Variants in TOX4 observed in about 807,000 individuals in gnomAD.
The protein encoded by TOX4 is epidermal Langerhans cell protein LCP1.
Under a neutral mutation model 61.0 loss-of-function variants are expected in TOX4, and 12 were observed. The observed-to-expected ratio is 0.20, with a 90% confidence interval of 0.13 to 0.32. The LOEUF is 0.32. Among genes scored for constraint, TOX4 ranks in the 10% least tolerant of loss-of-function variants. The probability of loss-of-function intolerance (pLI) is 1.00; values close to 1 mark genes in which losing one functional copy is unlikely to be tolerated. For missense variants in TOX4, 499 were observed against 753.3 expected, an observed-to-expected ratio of 0.66 and a Z score of 3.95; for synonymous variants, 268 against 274.8, an observed-to-expected ratio of 0.98 and a Z score of 0.24.
In TOX4 at chr14:21,498,116, A is replaced by G. The variant is rs1236489469; in HGVS notation, c.*1510A>G. ...ACAAGATTATACACTGTTAAGTAGC[A>G]GAGCCAGAATGGACTTCAGAATCCC... On this transcript the variant is annotated 3_prime_UTR_variant, in exon 9 of 9. Coordinates refer to ENST00000448790, the MANE Select transcript of TOX4 (RefSeq NM_014828.4). 2 of 619,020 alleles carry G rather than the reference A, an allele frequency of 3.2e-6. No individual in the cohort carries two copies. Among genetic ancestry groups the G allele is most frequent in the Admixed American group, 2.8e-5 (1 of 35,412 alleles). The allele number at this position is 619,020 out of a possible 1,614,324, so 38.3% of individuals were successfully genotyped here. A position where few individuals can be genotyped will look rare whatever the true frequency, so the allele number is the denominator to read the frequency against.
intron 8 of TOX4, 94 bp from the exon 9 acceptor site, chr14:21,496,452 A>G (rs1489092316): frequency 3.5e-6 from 4 of 1,134,232 alleles, no homozygotes; most frequent in Admixed American, 1.9e-5. Context: ...GCGTGAACCC[A>G]TGAGGTCCGT....
intron 1 of TOX4, 45 bp downstream of exon 1, chr14:21,477,329 A>G: frequency 6.2e-7 from 1 of 1,613,878 alleles, no homozygotes. Flanking sequence ...AACGCGGCCG[A>G]CCGGGTTGAA....
In TOX4 at chr14:21,487,640, A is replaced by G. The variant is rs992229169; in HGVS notation, c.265A>G (p.Thr89Ala). The change falls in exon 3 of 9, where the codon ACC (threonine) becomes GCC (alanine). Residue 89 changes from threonine to alanine, a missense_variant. By Grantham distance (58) the Thr-to-Ala change is moderately conservative. Around this residue, in one of 7 missense-constraint regions of TOX4, gnomAD observed 90 missense variants for 109.5 expected, o/e 0.82. Coordinates refer to ENST00000448790, the MANE Select transcript of TOX4 (RefSeq NM_014828.4). ...GACATTGGACATGCCTGTGGGCATG[A>G]CCCATGGCTTGATGGAGCAGGGCGG... ...VQTLDMPVGM[T>A]HGLMEQGGGL... 3.1e-6 allele frequency: 5 copies of G among 1,613,882 alleles called. No individual in the cohort carries two copies. Among genetic ancestry groups the G allele is most frequent in the African/African-American group, 1.3e-5 (1 of 74,858 alleles).
intron 2 of TOX4, among the ~76,000 whole-genome samples, chr14:21,480,540 G>GT (rs751809987): frequency 3.1e-4 from 47 of 151,084 alleles, no homozygotes; most frequent in Admixed American, 6.0e-4. Context: ...TTAAAAAAAA[G>GT]TTTTTTTTTA....
intron 5 of TOX4, among the ~76,000 whole-genome samples, chr14:21,489,709 G>A (rs2139625887): frequency 6.6e-6 from 1 of 152,054 alleles, no homozygotes. Flanking sequence ...CTCCCGAGTA[G>A]CTGGGACTGC....
chr14:21,487,544 G>A lies in TOX4; in HGVS notation c.169G>A (p.Gly57Ser). 1 of 1,614,116 alleles carries A rather than the reference G, an allele frequency of 6.2e-7. No individual in the cohort carries two copies. Among genetic ancestry groups the A allele is most frequent in the Non-Finnish European group, 8.5e-7 (1 of 1,180,014 alleles). Reference sequence around the variant, plus strand: ...CTCATTGGCTGTCTCAGATGTGGTTGGCCACTTTGATGACCTGGCAGACCC... The same window carrying A: ...CTCATTGGCTGTCTCAGATGTGGTTAGCCACTTTGATGACCTGGCAGACCC... ...DPSLAVSDVV[G>S]HFDDLADPSS... The change falls in exon 3 of 9, where the codon GGC becomes AGC. Residue 57 changes from glycine (G) to serine (S), a missense_variant. Transcript: ENST00000448790.
chr14:21,477,336 T>C, intron 1 of TOX4, 52 bp downstream of exon 1: 1 of 1,613,732 alleles, frequency 6.2e-7, no homozygotes, highest in Non-Finnish European at 8.5e-7. Flanking sequence ...CCGACCGGGT[T>C]GAAGCAGGGA....
intron 2 of TOX4, among the ~76,000 whole-genome samples, chr14:21,478,708 G>T (rs1891053526): frequency 6.6e-6 from 1 of 152,120 alleles, no homozygotes; most frequent in Non-Finnish European, 1.5e-5. Flanking sequence ...TTTTTACCAA[G>T]AATTGTCAGT....
chr14:21,499,099 G>A lies in TOX4; in HGVS notation c.*2493G>A, dbSNP rs750991435. On this transcript the variant is annotated 3_prime_UTR_variant, in exon 9 of 9. Coordinates refer to ENST00000448790, the MANE Select transcript of TOX4 (RefSeq NM_014828.4). ...TGCCAGGAGATAGTCTTTCAATCATGCCATAGATTTCATCTGGTTTATGAC... is the reference window on the plus strand; with the variant it reads ...TGCCAGGAGATAGTCTTTCAATCATACCATAGATTTCATCTGGTTTATGAC... 8.7e-6 allele frequency: 14 copies of A among 1,614,076 alleles called. No homozygotes were observed. In the South Asian group the frequency reaches 1.4e-4, roughly 16 times the overall value.
chr14:21,479,138 T>C (rs1891065386), intron 2 of TOX4, among the ~76,000 whole-genome samples: 1 of 142,236 alleles, frequency 7.0e-6, no homozygotes, highest in Non-Finnish European at 1.5e-5. Flanking sequence ...TTGCTTTTAT[T>C]TATTATTCTC....
Position 21,488,601 on chromosome 14 carries a change from C to G in TOX4, c.330C>G (p.His110Gln). ...TCTGCTTCTCTCAGGACTTGGACCA[C>G]TCTATAGGAACTCAGTATAGTGCCA... ...LSGGLTMDLD[H>Q]SIGTQYSANP... is the part of the protein sequence containing the mutation. The change falls in exon 4 of 9, where the codon CAC becomes CAG. Residue 110 changes from histidine (H) to glutamine (Q), a missense_variant. His to Gln is a conservative substitution (Grantham distance 24). Transcript: ENST00000448790. 1.2e-6 allele frequency: 2 copies of G among 1,614,094 alleles called. No individual in the cohort carries two copies. Among genetic ancestry groups the G allele is most frequent in the Non-Finnish European group, 1.7e-6 (2 of 1,180,000 alleles).
intron 2 of TOX4, 136 bp downstream of exon 2, chr14:21,477,700 G>C: frequency 1.0e-6 from 1 of 959,556 alleles, no homozygotes; most frequent in Non-Finnish European, 1.6e-6. Flanking sequence ...GAAAAGTGGC[G>C]GTTGCTTCTA....
At position 21,496,725 on chromosome 14, in the gene TOX4, A is replaced by G; in HGVS notation, c.*119A>G. 1.2e-6 allele frequency: 1 copy of G among 835,746 alleles called. No homozygotes were observed. Among genetic ancestry groups the G allele is most frequent in the Non-Finnish European group, 1.9e-6 (1 of 514,882 alleles). 51.8% of individuals were successfully genotyped at this position (835,746 alleles called of 1,614,324 possible). A position where few individuals can be genotyped will look rare whatever the true frequency, so the allele number is the denominator to read the frequency against. ...TCATCACAACCCATGATGGCTGTTC[A>G]TGTTTCACCCCTTTTCTTCCTTCAG... is the stretch of plus-strand genomic sequence containing the variant. On this transcript the variant is annotated 3_prime_UTR_variant, in exon 9 of 9. Coordinates refer to ENST00000448790, the MANE Select transcript of TOX4 (RefSeq NM_014828.4).
rs775810291 is a variant in TOX4 at position 21,492,578 on chromosome 14, C to T, written c.962C>T (p.Thr321Ile). The change falls in exon 7 of 9, where the codon ACT becomes ATT. Residue 321 changes from threonine (T) to isoleucine (I), a missense_variant. Thr to Ile is a moderately conservative substitution (Grantham distance 89, BLOSUM62 -1). Transcript: ENST00000448790. ...SQTPSPPPMA[T>I]VDPASPAPAS... ...ACTCCTTCTCCACCTCCTATGGCTA[C>T]TGTTGACCCAGCATCTCCAGCACCA... The T allele has an allele frequency of 1.2e-6, 2 of 1,613,828 alleles. No individual in the cohort carries two copies. Among genetic ancestry groups the T allele is most frequent in the African/African-American group, 2.7e-5 (2 of 74,898 alleles).
Position 21,488,827 on chromosome 14 carries a change from G to A in TOX4, c.556G>A (p.Asp186Asn). ...TTCACCTACTAGTTCACTTCACGAG[G>A]ATGGTGTTGAGGATTTCCGGAGGGT... ...TPSPTSSLHE[D>N]GVEDFRRQLP... The change falls in exon 4 of 9, where the codon GAT (aspartate) becomes AAT (asparagine). Residue 186 changes from aspartate to asparagine, a missense_variant. This residue lies in a region of TOX4 where 61 missense variants were observed against 76.1 expected (regional missense o/e 0.80). Coordinates refer to ENST00000448790, the MANE Select transcript of TOX4 (RefSeq NM_014828.4). 1 of 1,614,142 alleles carries A rather than the reference G, an allele frequency of 6.2e-7. No individual in the cohort carries two copies. Among genetic ancestry groups the A allele is most frequent in the Non-Finnish European group, 8.5e-7 (1 of 1,179,998 alleles).
chr14:21,491,619 T>C (rs1891292248), intron 5 of TOX4, among the ~76,000 whole-genome samples: 2 of 151,340 alleles, frequency 1.3e-5, no homozygotes, highest in Admixed American at 1.3e-4. Context: ...CACCTTGGCC[T>C]CCCAAAGTGC....
chr14:21,494,836 T>A (rs1174998069), intron 7 of TOX4, among the ~76,000 whole-genome samples: 3 of 151,422 alleles, frequency 2.0e-5, no homozygotes, highest in Non-Finnish European at 2.9e-5. Context: ...GGAGAATCGC[T>A]TGAACCCGGG....
chr14:21,491,617 C>G (rs1891292192), intron 5 of TOX4, among the ~76,000 whole-genome samples: 1 of 151,210 alleles, frequency 6.6e-6, no homozygotes, highest in African/African-American at 2.4e-5. Flanking sequence ...GCCACCTTGG[C>G]CTCCCAAAGT....
intron 8 of TOX4, chr14:21,495,782 T>G (rs1891386849): frequency 6.5e-6 from 1 of 153,790 alleles, no homozygotes; most frequent in African/African-American, 2.4e-5. Context: ...GTGAAGGAAA[T>G]GGGGAGATGG....
Sources: gnomAD v4.1 joint callset for allele counts (sites outside exome capture counted in the v4.1 genomes callset) on GRCh38, gnomAD v4.1.1 for gene constraint, gnomAD v4.1.1 regional missense constraint, MANE v1.5 for transcripts, NCBI Gene and HGNC (gene_info 2026-07-23, HGNC 2026-07-21) for gene names.